Variants in ROCK2 observed in about 807,000 individuals in gnomAD.
ROCK2 encodes Rho associated coiled-coil containing protein kinase 2.
In ROCK2, 61 loss-of-function variants were observed where a neutral mutation model predicts 195.1. That is an observed-to-expected ratio of 0.31 (90% confidence interval 0.25 to 0.39). The LOEUF is 0.39. Ranked by LOEUF, ROCK2 falls within the 10% of genes least tolerant of loss-of-function variation. The probability of loss-of-function intolerance (pLI) is 1.00; values close to 1 mark genes in which losing one functional copy is unlikely to be tolerated. For missense variants in ROCK2, 1,109 were observed against 1,637.4 expected, an observed-to-expected ratio of 0.68 and a Z score of 5.57; for synonymous variants, 504 against 545.5, an observed-to-expected ratio of 0.92 and a Z score of 1.06.
chr2:11,235,887 G>A lies in ROCK2; in HGVS notation c.538C>T (p.Leu180Phe), dbSNP rs756942050. 12 of 1,613,576 alleles carry A rather than the reference G, an allele frequency of 7.4e-6. No homozygotes were observed. The African/African-American group carries it at 1.5e-4, about 20-fold the overall frequency. ...EYMPGGDLVNLMSNYDVPEKW... is the reference protein window; with the variant it reads ...EYMPGGDLVNFMSNYDVPEKW... ...TCAGGCACATCATAATTACTCATAA[G>A]GTTTACAAGGTCTCCACCAGGCATG... is the stretch of plus-strand genomic sequence containing the variant. Residue 180 changes from leucine to phenylalanine, a missense_variant, in exon 5 of 33, where the codon CTT becomes TTT. Physicochemically the swap from Leu to Phe is conservative, Grantham distance 22 (BLOSUM62 0). This residue lies in a region of ROCK2 where 253 missense variants were observed against 455.5 expected (regional missense o/e 0.56). Transcript: ENST00000315872. The surrounding 1 kb of genome is among the most constrained non-coding windows in gnomAD (Gnocchi z 4.2).
intron 5 of ROCK2, chr2:11,234,400 T>C (rs1412611173): frequency 2.0e-5 from 3 of 152,108 alleles, no homozygotes; most frequent in Non-Finnish European, 4.4e-5. Flanking sequence ...CACAAAAACA[T>C]CTTCTCTTAT....
intron 1 of ROCK2, among the ~76,000 whole-genome samples, chr2:11,317,278 G>A (rs1668223819): frequency 6.6e-6 from 1 of 151,698 alleles, no homozygotes; most frequent in South Asian, 2.1e-4. Context: ...TTACCAATCA[G>A]AAGATACTCA....
At chr2:11,287,961 A>G (rs1190216256) in intron 1 of ROCK2, among the ~76,000 whole-genome samples, 1 of 152,180 alleles carries the variant, frequency 6.6e-6, no homozygotes, top group Non-Finnish European at 1.5e-5. Flanking sequence ...TCTTTCGGCC[A>G]ATGGAAAAAT....
At chr2:11,256,905 T>C (rs1666055652) in intron 3 of ROCK2, among the ~76,000 whole-genome samples, 1 of 151,354 alleles carries the variant, frequency 6.6e-6, no homozygotes, top group Non-Finnish European at 1.5e-5. Context: ...CCCCATGGTC[T>C]TAGTTTAGGT....
chr2:11,208,247 C>T, intron 19 of ROCK2, 40 bp downstream of exon 19: 1 of 949,124 alleles, frequency 1.1e-6, no homozygotes, highest in Non-Finnish European at 1.4e-6. Flanking sequence ...CCTATTAATT[C>T]ATTAGTTTAT....
At chr2:11,288,751 C>A (rs993885767) in intron 1 of ROCK2, among the ~76,000 whole-genome samples, 2 of 149,526 alleles carry the variant, frequency 1.3e-5, no homozygotes, top group Non-Finnish European at 3.0e-5. Flanking sequence ...AGGGGGAAAA[C>A]ATGGGGAAAA....
At chr2:11,265,931 CA>C (rs11286415) in intron 3 of ROCK2, among the ~76,000 whole-genome samples, 123,351 of 146,216 alleles carry the variant, frequency 0.84, 51,888 homozygotes, top group East Asian at 0.93. Flanking sequence ...CTTGTTTCTA[CA>C]AAAAAAAAAA....
At chr2:11,236,031 T>C in intron 4 of ROCK2, 69 bp from the exon 5 acceptor site, 2 of 1,344,952 alleles carry the variant, frequency 1.5e-6, no homozygotes, top group Non-Finnish European at 2.0e-6. Context: ...GAACAAAAAT[T>C]TAAAAAACTA....
At chr2:11,227,459 G>A in intron 5 of ROCK2, 61 bp from the exon 6 acceptor site, 1 of 1,457,950 alleles carries the variant, frequency 6.9e-7, no homozygotes, top group Non-Finnish European at 9.4e-7. Context: ...ACTTATAAAT[G>A]CAATGAATCC....
At chr2:11,335,108 TACACACACACACACACACAC>T (rs59721285) in intron 1 of ROCK2, among the ~76,000 whole-genome samples, 24 of 145,122 alleles carry the variant, frequency 1.7e-4, no homozygotes, top group African/African-American at 5.4e-4. Flanking sequence ...CTTTGACTGA[TACACACACACACACACACAC>T]ACACACACAC....
intron 3 of ROCK2, among the ~76,000 whole-genome samples, chr2:11,260,909 C>T (rs891617767): frequency 3.9e-5 from 6 of 152,176 alleles, no homozygotes; most frequent in Admixed American, 2.0e-4. Context: ...CAAAAATGCT[C>T]CCCTCTATGT....
At chr2:11,244,564 G>A (rs116348068) in intron 4 of ROCK2, among the ~76,000 whole-genome samples, 6,452 of 152,058 alleles carry the variant, frequency 0.042, 279 homozygotes, top group Non-Finnish European at 0.06. Context: ...CCAGGAGTTC[G>A]AGACCAGCCT....
rs1367864399 is a variant in ROCK2 at position 11,249,718 on chromosome 2, G to A, written c.405C>T (p.Ala135=). 6.3e-7 allele frequency: 1 copy of A among 1,584,444 alleles called. No individual in the cohort carries two copies. Among genetic ancestry groups the A allele is most frequent in the Non-Finnish European group, 8.6e-7 (1 of 1,167,124 alleles). The change falls in exon 4 of 33, where the codon GCC becomes GCT. Residue 135 remains alanine, a synonymous_variant. Coordinates refer to ENST00000315872, the MANE Select transcript of ROCK2 (RefSeq NM_004850.5). ...KFEMIKRSDS[A]FFWEERDIMA... ...TAATATCTCTTTCTTCCCAAAAAAA[G>A]GCAGAATCTGATCTTTTTATCATTT... is the stretch of plus-strand genomic sequence containing the variant.
At chr2:11,222,058 A>C (rs760423806) in intron 8 of ROCK2, 25 bp downstream of exon 8, 1 of 1,375,668 alleles carries the variant, frequency 7.3e-7, no homozygotes, top group Non-Finnish European at 1.0e-6. Context: ...TGATGGAATG[A>C]AAATATTTAG....
rs751874837 is a variant in ROCK2 at position 11,222,186 on chromosome 2, A to G, written c.1008-12T>C. ...CAAGTCGTACCTCCCTAAACAATGC[A>G]GTTAAAGATTGTATTATTTAAAAAT... On this transcript the variant is annotated splice_polypyrimidine_tract_variant and intron_variant, in intron 7 of 32. Transcript: ENST00000315872. 1 of 1,463,416 alleles carries G rather than the reference A, an allele frequency of 6.8e-7. No homozygotes were observed. Among genetic ancestry groups the G allele is most frequent in the East Asian group, 2.3e-5 (1 of 43,890 alleles). The allele number at this position is 1,463,416 out of a possible 1,614,324, so 90.7% of individuals were successfully genotyped here.
chr2:11,270,535 G>T (rs917646972), intron 3 of ROCK2, among the ~76,000 whole-genome samples: 1 of 151,918 alleles, frequency 6.6e-6, no homozygotes, highest in Admixed American at 6.6e-5. Flanking sequence ...ATTCTGTTCT[G>T]ATGTTTTCAG....
chr2:11,247,219 G>A (rs2148123446), intron 4 of ROCK2, among the ~76,000 whole-genome samples: 1 of 151,430 alleles, frequency 6.6e-6, no homozygotes, highest in Middle Eastern at 3.4e-3. Flanking sequence ...TGGAATTGGG[G>A]GAATAAATGC....
rs555850590 is a variant in ROCK2, at chr2:11,218,762, T to C, written c.1320+204A>G. Among the ~76,000 whole-genome samples the C allele has an allele frequency of 2.0e-5, 3 of 152,368 alleles. No homozygotes were observed. The East Asian group carries it at 5.8e-4, about 29-fold the overall frequency. On this transcript the variant is annotated intron_variant, in intron 10 of 32. Coordinates refer to ENST00000315872, the MANE Select transcript of ROCK2 (RefSeq NM_004850.5). Reference sequence around the variant, plus strand: ...TAAGCCTAAAGCCATGTAGAAGTCCTCTTTGTACTAGCCATCATGTCTTGA... The same window carrying C: ...TAAGCCTAAAGCCATGTAGAAGTCCCCTTTGTACTAGCCATCATGTCTTGA...
At chr2:11,309,723 T>C (rs1667974725) in intron 1 of ROCK2, among the ~76,000 whole-genome samples, 1 of 152,198 alleles carries the variant, frequency 6.6e-6, no homozygotes, top group African/African-American at 2.4e-5. Context: ...CTCATGTCCG[T>C]AATCCCAGCA....
Sources: allele counts gnomAD v4.1 joint callset (sites outside exome capture counted in the v4.1 genomes callset), GRCh38; gene constraint gnomAD v4.1.1; regional missense constraint gnomAD v4.1.1; non-coding constraint Gnocchi (gnomAD v3.1); transcripts MANE v1.5; gene names NCBI Gene and HGNC (gene_info 2026-07-23, HGNC 2026-07-21).